Variants in HBS1L observed in about 807,000 individuals in gnomAD.
The protein encoded by HBS1L is HBS1 like translational GTPase, also known as HBS1-like protein.
In HBS1L, 55 loss-of-function variants were observed where a neutral mutation model predicts 88.9. The ratio of observed to expected loss-of-function variants is 0.62; its 90% confidence interval spans 0.50 to 0.77. HBS1L has a LOEUF of 0.77. Ranked by LOEUF, HBS1L falls within the 30% of genes least tolerant of loss-of-function variation. The pLI, the probability that HBS1L is intolerant of heterozygous loss-of-function variation, is 0.00. For synonymous variants in HBS1L, 267 were observed against 288.5 expected (o/e 0.93, Z 0.76); for missense variants, 741 against 829.3 (o/e 0.89, Z 1.31).
intron 12 of HBS1L, among the ~76,000 whole-genome samples, chr6:134,984,043 G>A (rs915260178): frequency 5.3e-5 from 8 of 152,128 alleles, no homozygotes; most frequent in African/African-American, 1.9e-4. Flanking sequence ...GACCTCAGGA[G>A]GAACACACTC....
rs1776984944 is a variant in HBS1L at position 135,048,587 on chromosome 6, G to A, written c.109+1995C>T. On this transcript the variant is annotated intron_variant, in intron 2 of 17. Transcript: ENST00000367837. ...GAGCCTCCATCAGCTTCTAAAAGGTGGTTTCAACCTTGCCTTTTGTTCCCC... is the reference window on the plus strand; with the variant it reads ...GAGCCTCCATCAGCTTCTAAAAGGTAGTTTCAACCTTGCCTTTTGTTCCCC... Among the ~76,000 whole-genome samples the A allele has an allele frequency of 5.3e-5, 8 of 152,242 alleles. 1 individual carries two copies. In the East Asian group the frequency reaches 9.6e-4, roughly 18 times the overall value.
At chr6:134,989,052 T>C (rs1198112812) in intron 8 of HBS1L, among the ~76,000 whole-genome samples, 1 of 152,192 alleles carries the variant, frequency 6.6e-6, no homozygotes, top group African/African-American at 2.4e-5. Flanking sequence ...AGAAGAAAGC[T>C]AACCTCAGCT....
intron 4 of HBS1L, among the ~76,000 whole-genome samples, chr6:135,022,752 C>G (rs1776108346): frequency 6.6e-6 from 1 of 151,848 alleles, no homozygotes; most frequent in Non-Finnish European, 1.5e-5. Context: ...TGTTAACAAT[C>G]TACTAAAAAG....
At chr6:134,995,493 T>C (rs1037599682) in intron 7 of HBS1L, among the ~76,000 whole-genome samples, 1 of 151,912 alleles carries the variant, frequency 6.6e-6, no homozygotes, top group African/African-American at 2.4e-5. Flanking sequence ...ACAGATGTAT[T>C]ATCAAAAAAG....
chr6:134,988,684 C>T (rs911651766), intron 8 of HBS1L, among the ~76,000 whole-genome samples: 2 of 152,158 alleles, frequency 1.3e-5, no homozygotes, highest in African/African-American at 2.4e-5. Context: ...GGCAAGGATA[C>T]GGTGAGAAGC....
chr6:135,054,233 C>T (rs1299444556), intron 1 of HBS1L, among the ~76,000 whole-genome samples: 1 of 152,224 alleles, frequency 6.6e-6, no homozygotes, highest in Non-Finnish European at 1.5e-5. Context: ...TGTATTAAGT[C>T]AATCTGTGTT....
intron 3 of HBS1L, among the ~76,000 whole-genome samples, chr6:135,040,344 C>CTTTTTTTTTTTT (rs71006751): frequency 4.5e-5 from 5 of 110,064 alleles, no homozygotes; most frequent in African/African-American, 1.8e-4. Context: ...GATAGGCATT[C>CTTTTTTTTTTTT]TTTTTTTTTT....
intron 4 of HBS1L, among the ~76,000 whole-genome samples, chr6:135,004,483 G>C (rs765656289): frequency 7.4e-5 from 11 of 149,258 alleles, no homozygotes; most frequent in Non-Finnish European, 1.3e-4. Context: ...TCCTCCTGTA[G>C]GAGGAAGCAC....
Position 134,978,699 on chromosome 6 carries a change from G to T in HBS1L, c.1777C>A (p.Pro593Thr). ...ARILIFNIEI[P>T]ITKGFPVLLH... ...CTTACAGGAAATCCTTTAGTGATAG[G>T]AATTTCAATATTAAAGATGAGGATT... Residue 593 changes from proline to threonine, a missense_variant, in exon 15 of 18, where the codon CCT (proline) becomes ACT (threonine). Coordinates refer to ENST00000367837, the MANE Select transcript of HBS1L (RefSeq NM_006620.4). The T allele has an allele frequency of 6.3e-7, 1 of 1,588,148 alleles. No homozygotes were observed. The highest frequency in any genetic ancestry group is 8.6e-7 in the Non-Finnish European group (1 of 1,161,140).
intron 2 of HBS1L, among the ~76,000 whole-genome samples, chr6:135,047,283 G>A (rs1038000165): frequency 1.3e-5 from 2 of 152,290 alleles, no homozygotes; most frequent in Non-Finnish European, 2.9e-5. Flanking sequence ...GAGAAGCCTA[G>A]ATAAATGACT....
At chr6:134,982,347 T>G in intron 13 of HBS1L, 111 bp downstream of exon 13, 5 of 652,194 alleles carry the variant, frequency 7.7e-6, no homozygotes. Flanking sequence ...GACAGTCAGT[T>G]ACAATTTCAG....
chr6:135,039,961 GTTAAT>G (rs1218078793), intron 3 of HBS1L, among the ~76,000 whole-genome samples, 194 bp from the exon 4 acceptor site: 1 of 152,006 alleles, frequency 6.6e-6, no homozygotes, highest in African/African-American at 2.4e-5. Context: ...GAACGATTTC[GTTAAT>G]TTAAAAATCA....
intron 10 of HBS1L, 41 bp from the exon 11 acceptor site, chr6:134,986,224 T>C (rs760050794): frequency 9.9e-7 from 1 of 1,010,720 alleles, no homozygotes; most frequent in East Asian, 2.4e-5. Context: ...TACAACATTT[T>C]TTAAAACATT....
rs1444139168 is a variant in HBS1L, at chr6:134,961,790, C to A, written c.*3489G>T. On this transcript the variant is annotated 3_prime_UTR_variant, in exon 18 of 18. Coordinates refer to ENST00000367837, the MANE Select transcript of HBS1L (RefSeq NM_006620.4). ...CCTTACACCTTCCCACTGAGAAGCA[C>A]CCATAGACCCCAGTGGTGTGCAGTC... 4 of 152,186 alleles carry A rather than the reference C, an allele frequency of 2.6e-5. No individual in the cohort carries two copies. The highest frequency in any genetic ancestry group is 9.7e-5 in the African/African-American group (4 of 41,446). 9.4% of individuals were successfully genotyped at this position (152,186 alleles called of 1,614,324 possible). A position where few individuals can be genotyped will look rare whatever the true frequency, so the allele number is the denominator to read the frequency against.
In HBS1L at chr6:134,963,280, A is replaced by G. The variant is rs1440582717; in HGVS notation, c.*1999T>C. 6.6e-6 allele frequency: 1 copy of G among 152,224 alleles called. No homozygotes were observed. The highest frequency in any genetic ancestry group is 2.4e-5 in the African/African-American group (1 of 41,466). 9.4% of individuals were successfully genotyped at this position (152,224 alleles called of 1,614,324 possible). ...AAGTATTAATAAATAAAATTCAATCATAGTCAATGATGAGATGTTTCTAGG... is the reference window on the plus strand; with the variant it reads ...AAGTATTAATAAATAAAATTCAATCGTAGTCAATGATGAGATGTTTCTAGG... On this transcript the variant is annotated 3_prime_UTR_variant, in exon 18 of 18. Transcript: ENST00000367837.
chr6:134,997,114 C>T (rs1345481739), intron 6 of HBS1L, among the ~76,000 whole-genome samples, 172 bp from the exon 7 acceptor site: 1 of 152,050 alleles, frequency 6.6e-6, no homozygotes, highest in Non-Finnish European at 1.5e-5. Flanking sequence ...TATCTCTTTA[C>T]AGACGGGGGG....
intron 15 of HBS1L, among the ~76,000 whole-genome samples, chr6:134,977,701 C>T (rs1470125550): frequency 6.6e-6 from 1 of 151,858 alleles, no homozygotes; most frequent in Non-Finnish European, 1.5e-5. Flanking sequence ...AAACCACTAT[C>T]ACTAACTTTA....
At position 135,002,813 on chromosome 6, in the gene HBS1L, T is replaced by C; in HGVS notation, c.460A>G (p.Ser154Gly). The change falls in exon 5 of 18, where the codon AGT becomes GGT. Residue 154 changes from serine to glycine, a missense_variant. By Grantham distance (56) the Ser-to-Gly change is moderately conservative (BLOSUM62 0). Coordinates refer to ENST00000367837, the MANE Select transcript of HBS1L (RefSeq NM_006620.4). The stretch of plus-strand genomic sequence containing the variant: ...ACTTTTGGCACAATTTCAGATTCAC[T>C]TCGCGATGTCTGGGAATCTACTGGT... Reference protein sequence around the residue: ...GKPVDSQTSRSESEIVPKVAK... With the variant: ...GKPVDSQTSRGESEIVPKVAK... 6.2e-7 allele frequency: 1 copy of C among 1,613,184 alleles called. No homozygotes were observed. Among genetic ancestry groups the C allele is most frequent in the African/African-American group, 1.3e-5 (1 of 75,024 alleles).
chr6:135,054,595 A>G (rs1777188723), intron 1 of HBS1L, 54 bp downstream of exon 1: 35 of 1,591,766 alleles, frequency 2.2e-5, no homozygotes, highest in Non-Finnish European at 3.0e-5. Flanking sequence ...CCAACGGGCT[A>G]GGATCCCAGC....
Sources: gnomAD v4.1 joint callset for allele counts (sites outside exome capture counted in the v4.1 genomes callset) on GRCh38, gnomAD v4.1.1 for gene constraint, MANE v1.5 for transcripts, NCBI Gene and HGNC (gene_info 2026-07-23, HGNC 2026-07-21) for gene names.